Variants in BBOF1 observed in about 807,000 individuals in gnomAD.
BBOF1 encodes the protein basal body-orientation factor 1.
In BBOF1, 62 loss-of-function variants were observed where a neutral mutation model predicts 68.0. That is an observed-to-expected ratio of 0.91 (90% confidence interval 0.74 to 1.13). BBOF1 has a LOEUF of 1.13. Among genes scored for constraint, BBOF1 ranks in the 50% most tolerant of loss-of-function variants. BBOF1 has a pLI of 0.00. For missense variants in BBOF1, 534 were observed against 600.1 expected, an observed-to-expected ratio of 0.89 and a Z score of 1.15; for synonymous variants, 208 against 198.8, an observed-to-expected ratio of 1.05 and a Z score of -0.39.
At chr14:74,052,732 C>T (rs2060095550) in intron 8 of BBOF1, among the ~76,000 whole-genome samples, 1 of 151,988 alleles carries the variant, frequency 6.6e-6, no homozygotes, top group Non-Finnish European at 1.5e-5. Context: ...TGTGGTGGCT[C>T]ATGCCTGTAA....
In BBOF1 at chr14:74,052,474, G is replaced by A. The variant is rs751258196; in HGVS notation, c.1286+2279G>A. Among the ~76,000 whole-genome samples, 8 of 151,240 alleles carry A rather than the reference G, an allele frequency of 5.3e-5. 1 individual carries two copies. Among genetic ancestry groups the A allele is most frequent in the South Asian group, 4.2e-4 (2 of 4,812 alleles). On this transcript the variant is annotated intron_variant, in intron 8 of 11. Transcript: ENST00000394009. ...AGCCTGGCCAAGTTGCTGAAACCCC[G>A]TCTCTACTAAAAATACAAAAATTAG... is the stretch of plus-strand genomic sequence containing the variant.
downstream of BBOF1, chr14:74,070,608 G>A (rs2060536523): frequency 6.2e-6 from 1 of 161,238 alleles, no homozygotes; most frequent in South Asian, 1.8e-4. Context: ...GTAATATAGT[G>A]TAGTTTTTAA....
intron 9 of BBOF1, chr14:74,072,560 T>G: frequency 6.2e-7 from 1 of 1,614,162 alleles, no homozygotes; most frequent in Non-Finnish European, 8.5e-7. Context: ...TCGATCCATT[T>G]GTCACTTTTG....
intron 10 of BBOF1, chr14:74,078,362 T>A (rs1159225593): frequency 2.9e-6 from 1 of 339,048 alleles, no homozygotes; most frequent in Non-Finnish European, 5.7e-6. Flanking sequence ...GGTATATACT[T>A]TTTTTTTTTG....
chr14:74,020,151 A>G (rs2059235461), intron 1 of BBOF1, among the ~76,000 whole-genome samples: 1 of 152,214 alleles, frequency 6.6e-6, no homozygotes, highest in Non-Finnish European at 1.5e-5. Flanking sequence ...TATATTTTGG[A>G]GTATTCTTTT....
chr14:74,053,259 C>T (rs1362738548), intron 8 of BBOF1, among the ~76,000 whole-genome samples: 3 of 150,568 alleles, frequency 2.0e-5, no homozygotes, highest in African/African-American at 4.9e-5. Flanking sequence ...ATTACAGGTG[C>T]GTGCCACCAT....
At position 74,034,185 on chromosome 14, in the gene BBOF1, CT is replaced by C; in HGVS notation, c.495+20del. 3.3e-6 allele frequency: 5 copies of C among 1,498,420 alleles called. No homozygotes were observed. Among genetic ancestry groups the C allele is most frequent in the South Asian group, 1.4e-5 (1 of 73,812 alleles). The allele number at this position is 1,498,420 out of a possible 1,614,324, so 92.8% of individuals were successfully genotyped here. ...GAGTTAGATGATGTAAGTTTCATTC[CT>C]TTTTTACAAAAAGGAAATTAGAATT... is the stretch of plus-strand genomic sequence containing the variant. On this transcript the variant is annotated intron_variant, in intron 4 of 11. Coordinates refer to ENST00000394009, the MANE Select transcript of BBOF1 (RefSeq NM_025057.3).
Position 74,065,098 on chromosome 14 carries a change from C to T in BBOF1, c.*399C>T, listed in dbSNP as rs775846974. 48 of 1,543,198 alleles carry T rather than the reference C, an allele frequency of 3.1e-5. No individual in the cohort carries two copies. The highest frequency in any genetic ancestry group is 1.7e-4 in the Middle Eastern group (1 of 5,920). Reference sequence around the variant, plus strand: ...GGGAGGTCATGGGGGCAATCTTAAACCAATGACTCACCATTATTTACTGTT... The same window carrying T: ...GGGAGGTCATGGGGGCAATCTTAAATCAATGACTCACCATTATTTACTGTT... On this transcript the variant is annotated 3_prime_UTR_variant, in exon 12 of 12. Transcript: ENST00000394009.
intron 5 of BBOF1, among the ~76,000 whole-genome samples, chr14:74,043,786 G>A (rs1258311789): frequency 7.3e-5 from 11 of 150,602 alleles, no homozygotes; most frequent in Non-Finnish European, 1.3e-4. Context: ...GCCCGCTTCG[G>A]CCTCCCAAAG....
intron 9 of BBOF1, chr14:74,072,108 G>T (rs965401040): frequency 1.5e-5 from 24 of 1,588,122 alleles, no homozygotes; most frequent in Non-Finnish European, 1.9e-5. Flanking sequence ...TCTGCATACT[G>T]CAGAGTAAGG....
rs2059337800 is a variant in BBOF1, at chr14:74,023,002, T to A, written c.143T>A (p.Leu48His). Residue 48 changes from leucine (L) to histidine (H), a missense_variant, in exon 2 of 12, where the codon CTC (leucine) becomes CAC (histidine). Coordinates refer to ENST00000394009, the MANE Select transcript of BBOF1 (RefSeq NM_025057.3). ...LWEARLEVTE[L>H]SRIKYRDTSR... Reference sequence around the variant, plus strand: ...GAGGCCAGGTTGGAAGTCACAGAACTCTCTAGGATTAAGTATCGTGATACT... The same window carrying A: ...GAGGCCAGGTTGGAAGTCACAGAACACTCTAGGATTAAGTATCGTGATACT... The A allele has an allele frequency of 4.3e-6, 7 of 1,612,798 alleles. No individual in the cohort carries two copies. Among genetic ancestry groups the A allele is most frequent in the Non-Finnish European group, 4.2e-6 (5 of 1,179,436 alleles).
chr14:74,037,495 G>T (rs1383117683), intron 4 of BBOF1, among the ~76,000 whole-genome samples: 3 of 138,920 alleles, frequency 2.2e-5, no homozygotes, highest in African/African-American at 8.0e-5. Flanking sequence ...TTTCACTGTT[G>T]CCCAGGCTGG....
At chr14:74,037,848 G>GGGAGGCTGAGGCA (rs2059744338) in intron 4 of BBOF1, among the ~76,000 whole-genome samples, 2 of 151,560 alleles carry the variant, frequency 1.3e-5, no homozygotes, top group Non-Finnish European at 2.9e-5. Flanking sequence ...CCAGCTACTC[G>GGGAGGCTGAGGCA]GGAGGCTGAG....
In BBOF1 at chr14:74,019,504, A is replaced by C. The variant is rs1349354109; in HGVS notation, c.26A>C (p.Lys9Thr). The part of the protein sequence containing the change: MPSKGKDK[K>T]KGKSKGKDTK... ...ATGCCGTCGAAGGGAAAGGACAAAA[A>C]GAAAGGCAAGAGCAAAGGCAAAGAC... The change falls in exon 1 of 12, where the codon AAG (lysine) becomes ACG (threonine). Residue 9 changes from lysine (K) to threonine (T), a missense_variant. By Grantham distance (78) the Lys-to-Thr change is moderately conservative. Transcript: ENST00000394009. The C allele has an allele frequency of 6.2e-7, 1 of 1,605,460 alleles. No individual in the cohort carries two copies. The highest frequency in any genetic ancestry group is 1.7e-5 in the Admixed American group (1 of 58,920).
At chr14:74,036,698 A>AC (rs2059707538) in intron 4 of BBOF1, among the ~76,000 whole-genome samples, 1 of 151,220 alleles carries the variant, frequency 6.6e-6, no homozygotes, top group Non-Finnish European at 1.5e-5. Context: ...AAAAAAAAAA[A>AC]AAAGCTGTCT....
Position 74,065,507 on chromosome 14 carries a change from A to G in BBOF1, c.*808A>G. On this transcript the variant is annotated 3_prime_UTR_variant, in exon 12 of 12. Coordinates refer to ENST00000394009, the MANE Select transcript of BBOF1 (RefSeq NM_025057.3). ...CTTTTCATTTCAAATCACCTATTTA[A>G]AAAAAAAGTCCTCTCTCAAGTGTAT... 1.3e-6 allele frequency: 1 copy of G among 785,748 alleles called. No individual in the cohort carries two copies. The allele number at this position is 785,748 out of a possible 1,614,324, so 48.7% of individuals were successfully genotyped here.
intron 1 of BBOF1, 100 bp downstream of exon 1, chr14:74,019,634 C>T: frequency 1.3e-6 from 2 of 1,522,394 alleles, no homozygotes; most frequent in Non-Finnish European, 1.8e-6. Flanking sequence ...CCCACTCGGA[C>T]CCTCTCCCCG....
At position 74,064,987 on chromosome 14, in the gene BBOF1, C is replaced by T. The variant is rs2060437055; in HGVS notation, c.*288C>T. On this transcript the variant is annotated 3_prime_UTR_variant, in exon 12 of 12. Transcript: ENST00000394009. ...AACTCTCCATTTAGAAACACAAAGGCATCAGAGACCAGTTTTAAATACCCA... is the reference window on the plus strand; with the variant it reads ...AACTCTCCATTTAGAAACACAAAGGTATCAGAGACCAGTTTTAAATACCCA... The T allele has an allele frequency of 6.8e-7, 1 of 1,471,014 alleles. No homozygotes were observed. Among genetic ancestry groups the T allele is most frequent in the African/African-American group, 1.4e-5 (1 of 71,588 alleles). The allele number at this position is 1,471,014 out of a possible 1,614,324, so 91.1% of individuals were successfully genotyped here. A position where few individuals can be genotyped will look rare whatever the true frequency, so the allele number is the denominator to read the frequency against.
In BBOF1 at chr14:74,073,989, A is replaced by T. The variant is rs772895799; in HGVS notation, n.1380-4207A>T. Among the ~76,000 whole-genome samples, 274 of 144,588 alleles carry T rather than the reference A, an allele frequency of 1.9e-3. 4 individuals are homozygous for T. The highest frequency in any genetic ancestry group is 1.9e-3 in the Non-Finnish European group (129 of 66,396). The allele number at this position is 144,588 out of a possible 152,430, so 94.9% of individuals were successfully genotyped here. A position where few individuals can be genotyped will look rare whatever the true frequency, so the allele number is the denominator to read the frequency against. On this transcript the variant is annotated intron_variant and non_coding_transcript_variant, in intron 9 of 12. Coordinates refer to the BBOF1 transcript ENST00000492026. ...TCTGAGATATAGCTCACTTTAACTAATTTTTTTTTTTTTTAACATAGAGTC... is the reference window on the plus strand; with the variant it reads ...TCTGAGATATAGCTCACTTTAACTATTTTTTTTTTTTTTTAACATAGAGTC...
Sources: gnomAD v4.1 joint callset for allele counts (sites outside exome capture counted in the v4.1 genomes callset) on GRCh38, gnomAD v4.1.1 for gene constraint, MANE v1.5 for transcripts, NCBI Gene and HGNC (gene_info 2026-07-23, HGNC 2026-07-21) for gene names.